AOPEP: variants seen among roughly 807,000 people sequenced by gnomAD.
AOPEP encodes the protein aminopeptidase O (putative), also known as aminopeptidase O.
A neutral mutation model predicts 98.1 loss-of-function variants in AOPEP; 77 were observed. The ratio of observed to expected loss-of-function variants is 0.78; its 90% confidence interval spans 0.65 to 0.95. The LOEUF (loss-of-function observed/expected upper bound fraction) is 0.95, where lower values mean the gene tolerates loss of function less well. AOPEP is among the 40% of genes least tolerant of loss of function. AOPEP has a pLI of 0.00. For synonymous variants in AOPEP, 346 were observed against 365.3 expected (o/e 0.95, Z 0.60); for missense variants, 1,024 against 1,024.7 (o/e 1.00, Z 0.01).
intron 5 of AOPEP, among the ~76,000 whole-genome samples, chr9:94,818,934 C>T (rs1483394815): frequency 1.3e-5 from 2 of 152,226 alleles, no homozygotes; most frequent in Non-Finnish European, 2.9e-5. Flanking sequence ...GCCGGGCTTC[C>T]AGTGAGCCGA....
the AOPEP span, chr9:95,101,337 G>T: frequency 2.6e-6 from 1 of 380,304 alleles, no homozygotes; most frequent in East Asian, 4.2e-5. Context: ...CAAATTCTTG[G>T]TTCTAAGACT....
chr9:94,767,747 C>A (rs895531105), intron 2 of AOPEP, among the ~76,000 whole-genome samples: 1 of 152,220 alleles, frequency 6.6e-6, no homozygotes, highest in East Asian at 1.9e-4. Context: ...ATTTCTGACT[C>A]AAAGCCATTT....
Position 94,940,593 on chromosome 9 carries a change from CAATA to C in AOPEP, c.1661+12080_1661+12083del, listed in dbSNP as rs535492432. Among the ~76,000 whole-genome samples the C allele has an allele frequency of 6.7e-3, 1,023 of 151,864 alleles. 16 individuals are homozygous for C. The highest frequency in any genetic ancestry group is 0.024 in the African/African-American group (977 of 41,370). On this transcript the variant is annotated intron_variant, in intron 7 of 16. Coordinates refer to ENST00000375315, the MANE Select transcript of AOPEP (RefSeq NM_001193329.3). The stretch of plus-strand genomic sequence containing the variant: ...TGGACAGCAAAGTGAGACTCCATCT[CAATA>C]AATAAATAAATAAATAATAAAATAA...
intron 14 of AOPEP, among the ~76,000 whole-genome samples, chr9:95,077,556 T>G (rs2069210331): frequency 6.6e-6 from 1 of 152,106 alleles, no homozygotes; most frequent in Non-Finnish European, 1.5e-5. Context: ...GTTAATAAAT[T>G]AAGAAATAAG....
chr9:94,867,347 C>T (rs969404471), intron 5 of AOPEP, among the ~76,000 whole-genome samples: 5 of 152,146 alleles, frequency 3.3e-5, no homozygotes, highest in Non-Finnish European at 5.9e-5. Context: ...CACTCTCGGC[C>T]GAGGTGGCCT....
chr9:94,954,514 G>A (rs868453045), intron 7 of AOPEP, among the ~76,000 whole-genome samples: 6 of 152,190 alleles, frequency 3.9e-5, no homozygotes, highest in South Asian at 2.1e-4. Flanking sequence ...ATGAATTTGT[G>A]TTGGGCTGCA....
chr9:95,009,334 A>G (rs931130409), intron 13 of AOPEP, among the ~76,000 whole-genome samples: 2 of 152,122 alleles, frequency 1.3e-5, no homozygotes, highest in African/African-American at 4.8e-5. Flanking sequence ...TCAATATTCT[A>G]AGGATTAGAA....
At chr9:94,812,411 C>A (rs1227654712) in intron 5 of AOPEP, among the ~76,000 whole-genome samples, 1 of 152,118 alleles carries the variant, frequency 6.6e-6, no homozygotes, top group Non-Finnish European at 1.5e-5. Context: ...CTTCCCAAGG[C>A]CATAGAAGTG....
intron 2 of AOPEP, among the ~76,000 whole-genome samples, chr9:94,768,888 GC>G (rs1328116355): frequency 2.0e-5 from 3 of 152,240 alleles, no homozygotes; most frequent in African/African-American, 7.2e-5. Flanking sequence ...TCAGGCTGCT[GC>G]CTGCACGTCT....
chr9:94,870,859 G>C (rs918541827), intron 5 of AOPEP, among the ~76,000 whole-genome samples: 1 of 152,210 alleles, frequency 6.6e-6, no homozygotes, highest in African/African-American at 2.4e-5. Context: ...TCAAAGGATC[G>C]CTGCCCTACT....
chr9:95,027,993 A>G (rs140934652), intron 13 of AOPEP, among the ~76,000 whole-genome samples: 1 of 152,316 alleles, frequency 6.6e-6, no homozygotes, highest in East Asian at 1.9e-4. Context: ...CAGCAGAATC[A>G]TGAGCCTCAG....
chr9:94,928,852 C>A, intron 7 of AOPEP: 1 of 257,890 alleles, frequency 3.9e-6, no homozygotes. Flanking sequence ...GGCAGCCTGG[C>A]AGACAGTAAA....
chr9:95,043,300 G>A (rs1437328876), intron 13 of AOPEP, among the ~76,000 whole-genome samples: 4 of 86,764 alleles, frequency 4.6e-5, no homozygotes, highest in African/African-American at 1.4e-4. Context: ...ATCTGTATAT[G>A]CACATATACA....
chr9:95,082,272 T>C (rs1256308857), intron 15 of AOPEP, among the ~76,000 whole-genome samples: 2 of 152,214 alleles, frequency 1.3e-5, no homozygotes, highest in East Asian at 3.8e-4. Context: ...TTCAGAGCGT[T>C]CCTGACACGG....
chr9:94,842,560 A>G (rs766832496), intron 5 of AOPEP, among the ~76,000 whole-genome samples: 69 of 152,268 alleles, frequency 4.5e-4, no homozygotes, highest in Non-Finnish European at 7.9e-4. Context: ...TTTGCTTTCA[A>G]TTGTCAAACA....
rs778104698 is a variant in AOPEP, at chr9:95,005,152, C to T, written c.1978-6C>T. 9.6e-6 allele frequency: 11 copies of T among 1,145,374 alleles called. No homozygotes were observed. In the Admixed American group the frequency reaches 3.4e-4, roughly 35 times the overall value. The allele number at this position is 1,145,374 out of a possible 1,614,324, so 71.0% of individuals were successfully genotyped here. ...GTAAACTTGACTGTGTCCTCTTCCC[C>T]CGCAGCCGCTGCAGAGGGAGCGTCG... is the stretch of plus-strand genomic sequence containing the variant. On this transcript the variant is annotated splice_polypyrimidine_tract_variant and splice_region_variant and intron_variant, in intron 11 of 16. Transcript: ENST00000375315.
chr9:94,876,318 C>G (rs2046930417), intron 5 of AOPEP, among the ~76,000 whole-genome samples: 1 of 152,020 alleles, frequency 6.6e-6, no homozygotes, highest in Non-Finnish European at 1.5e-5. Flanking sequence ...GCCTGCAGAC[C>G]AACTGTTAGT....
chr9:94,765,716 CAT>C (rs1258609733), intron 2 of AOPEP, among the ~76,000 whole-genome samples: 2 of 151,992 alleles, frequency 1.3e-5, no homozygotes, highest in African/African-American at 2.4e-5. Flanking sequence ...GAGAAGAAAA[CAT>C]ATTTGAAGCT....
At chr9:95,069,759 A>G (rs993612569) in intron 14 of AOPEP, among the ~76,000 whole-genome samples, 2 of 152,230 alleles carry the variant, frequency 1.3e-5, no homozygotes, top group Admixed American at 6.5e-5. Flanking sequence ...CTCCATGTGC[A>G]TGTCGAGTGT....
Sources: allele counts gnomAD v4.1 joint callset (sites outside exome capture counted in the v4.1 genomes callset), GRCh38; gene constraint gnomAD v4.1.1; transcripts MANE v1.5; gene names NCBI Gene and HGNC (gene_info 2026-07-23, HGNC 2026-07-21).